The following TAS2R1 variants were observed in gnomAD, a reference collection of about 807,000 sequenced individuals.
The protein encoded by TAS2R1 is taste 2 receptor member 1, also known as taste receptor type 2 member 1.
For synonymous variants in TAS2R1, 141 were observed against 134.2 expected, an observed-to-expected ratio of 1.05 and a Z score of -0.35; for missense variants, 370 against 353.4, an observed-to-expected ratio of 1.05 and a Z score of -0.38.
chr5:9,846,652 G>T, the TAS2R1 span, among the ~76,000 whole-genome samples: 9 of 151,288 alleles, frequency 5.9e-5, 1 homozygote, highest in South Asian at 1.5e-3. Flanking sequence ...ATCTGCTCAT[G>T]TCTAAACCAA....
the TAS2R1 span, among the ~76,000 whole-genome samples, chr5:9,790,514 T>C: frequency 1.4e-4 from 21 of 152,218 alleles, no homozygotes; most frequent in Non-Finnish European, 2.9e-4. Context: ...ATCATCATCA[T>C]TTGTAAGATG....
intron 1 of TAS2R1, among the ~76,000 whole-genome samples, chr5:9,681,619 T>G (rs1327086669): frequency 2.6e-5 from 4 of 151,206 alleles, no homozygotes. Flanking sequence ...CCTAGATCTC[T>G]CTCAGAAAAT....
At chr5:9,815,562 G>A in the TAS2R1 span, among the ~76,000 whole-genome samples, 2 of 152,130 alleles carry the variant, frequency 1.3e-5, no homozygotes, top group Non-Finnish European at 2.9e-5. Flanking sequence ...TGGGTCTGCA[G>A]GTCCCAAGAG....
At chr5:9,686,052 A>G (rs924094693) in intron 1 of TAS2R1, among the ~76,000 whole-genome samples, 2 of 151,988 alleles carry the variant, frequency 1.3e-5, no homozygotes. Context: ...TTTAGTAGAG[A>G]CAGGGTTTCG....
chr5:9,822,542 G>A, the TAS2R1 span, among the ~76,000 whole-genome samples: 1 of 151,768 alleles, frequency 6.6e-6, no homozygotes, highest in South Asian at 2.1e-4. Context: ...GTAGACACGG[G>A]GTTTCACTGT....
chr5:9,705,775 T>C (rs2126529093), intron 1 of TAS2R1, among the ~76,000 whole-genome samples: 1 of 152,172 alleles, frequency 6.6e-6, no homozygotes, highest in East Asian at 1.9e-4. Flanking sequence ...CAGGAGAGAA[T>C]TGCTTGAACC....
rs143316183 is a variant in TAS2R1, at chr5:9,706,411, G to A, written c.-242+5761C>T. On this transcript the variant is annotated intron_variant, in intron 1 of 2. Coordinates refer to the TAS2R1 transcript ENST00000506620. Reference sequence around the variant, plus strand: ...AGTAGGAACTGTCCAGTGGGTAGACGGGGTCTTCCGAGCAATTCCCAGACT... The same window carrying A: ...AGTAGGAACTGTCCAGTGGGTAGACAGGGTCTTCCGAGCAATTCCCAGACT... Among the ~76,000 whole-genome samples, 206 of 152,300 alleles carry A rather than the reference G, an allele frequency of 1.4e-3. 1 individual carries two copies. Among genetic ancestry groups the A allele is most frequent in the African/African-American group, 4.8e-3 (198 of 41,568 alleles).
intron 2 of TAS2R1, among the ~76,000 whole-genome samples, chr5:9,644,114 T>C (rs1209160974): frequency 6.6e-6 from 1 of 152,204 alleles, no homozygotes; most frequent in Non-Finnish European, 1.5e-5. Context: ...CACCCTCAAC[T>C]GAATGGGAAC....
At chr5:9,888,405 A>T in the TAS2R1 span, among the ~76,000 whole-genome samples, 1 of 152,182 alleles carries the variant, frequency 6.6e-6, no homozygotes. Context: ...AAAGCCCCAA[A>T]GACTTGAAGT....
chr5:9,777,526 G>A, the TAS2R1 span, among the ~76,000 whole-genome samples: 501 of 152,208 alleles, frequency 3.3e-3, 4 homozygotes, highest in African/African-American at 0.012. Flanking sequence ...TACTTCCTTC[G>A]CTGAAGCCTT....
intron 2 of TAS2R1, among the ~76,000 whole-genome samples, chr5:9,656,501 A>G (rs1740421093): frequency 6.6e-6 from 1 of 152,172 alleles, no homozygotes; most frequent in Non-Finnish European, 1.5e-5. Context: ...AAAGCAGGAG[A>G]AGATCAATGT....
At chr5:9,762,556 A>G in the TAS2R1 span, among the ~76,000 whole-genome samples, 1 of 152,136 alleles carries the variant, frequency 6.6e-6, no homozygotes, top group South Asian at 2.1e-4. Flanking sequence ...CACAATATAG[A>G]CCCGGTAAAT....
chr5:9,747,615 C>T, the TAS2R1 span, among the ~76,000 whole-genome samples: 12 of 152,214 alleles, frequency 7.9e-5, no homozygotes, highest in South Asian at 2.1e-4. Flanking sequence ...ACAAGGGATA[C>T]GCCTCCATGA....
the TAS2R1 span, among the ~76,000 whole-genome samples, chr5:9,791,821 G>A: frequency 1.3e-4 from 20 of 152,288 alleles, no homozygotes; most frequent in East Asian, 3.7e-3. Context: ...GTACAGCCTG[G>A]GTGTGGGGCT....
the TAS2R1 span, among the ~76,000 whole-genome samples, chr5:9,898,089 T>A: frequency 6.6e-6 from 1 of 152,224 alleles, no homozygotes; most frequent in African/African-American, 2.4e-5. Context: ...AGCTTTAAAC[T>A]ATTAATACAT....
chr5:9,762,221 T>A, the TAS2R1 span, among the ~76,000 whole-genome samples: 31 of 152,258 alleles, frequency 2.0e-4, no homozygotes, highest in East Asian at 5.0e-3. Context: ...TCCTGTAAGC[T>A]TTTCACTCTT....
At chr5:9,847,927 G>A in the TAS2R1 span, among the ~76,000 whole-genome samples, 1 of 152,182 alleles carries the variant, frequency 6.6e-6, no homozygotes, top group Non-Finnish European at 1.5e-5. Context: ...GCATCATCCA[G>A]AAACTTGTCA....
chr5:9,846,484 C>G, the TAS2R1 span, among the ~76,000 whole-genome samples: 5 of 152,318 alleles, frequency 3.3e-5, no homozygotes, highest in Middle Eastern at 3.4e-3. Context: ...CACTTCTCCT[C>G]TCTTTTGGAA....
At chr5:9,820,093 TG>T in the TAS2R1 span, among the ~76,000 whole-genome samples, 1 of 151,950 alleles carries the variant, frequency 6.6e-6, no homozygotes, top group African/African-American at 2.4e-5. Flanking sequence ...AGCAGAAGTC[TG>T]GAGAAAGGGG....
Sources: gnomAD v4.1 joint callset for allele counts (sites outside exome capture counted in the v4.1 genomes callset) on GRCh38, gnomAD v4.1.1 for gene constraint, MANE v1.5 for transcripts, NCBI Gene and HGNC (gene_info 2026-07-23, HGNC 2026-07-21) for gene names.